The following FBXW7 variants were observed in gnomAD, a reference collection of about 807,000 sequenced individuals.
FBXW7 encodes F-box/WD repeat-containing protein 7.
A neutral mutation model predicts 86.3 loss-of-function variants in FBXW7; 11 were observed. That is an observed-to-expected ratio of 0.13 (90% CI 0.08 to 0.21). The LOEUF (loss-of-function observed/expected upper bound fraction) is 0.21, where lower values mean the gene tolerates loss of function less well. Ranked by LOEUF, FBXW7 falls within the 10% of genes least tolerant of loss-of-function variation. FBXW7 has a pLI of 1.00. For synonymous variants in FBXW7, 313 were observed against 297.9 expected (o/e 1.05, Z -0.52); for missense variants, 488 against 847.4 (o/e 0.58, Z 5.27).
intron 2 of FBXW7, among the ~76,000 whole-genome samples, chr4:152,491,997 C>T (rs1274640464): frequency 3.9e-5 from 6 of 152,272 alleles, no homozygotes; most frequent in African/African-American, 1.2e-4. Context: ...AGATATGGAA[C>T]ATTTTCATCA....
chr4:152,525,609 A>C (rs1290012014), intron 2 of FBXW7, among the ~76,000 whole-genome samples: 1 of 152,190 alleles, frequency 6.6e-6, no homozygotes, highest in Non-Finnish European at 1.5e-5. Context: ...AGCTTCATCC[A>C]TACTCCCACA....
At chr4:152,343,438 A>G (rs992305391) in intron 6 of FBXW7, among the ~76,000 whole-genome samples, 1 of 152,158 alleles carries the variant, frequency 6.6e-6, no homozygotes, top group African/African-American at 2.4e-5. Flanking sequence ...AAGCAGATGT[A>G]CATGTTTTTT....
At chr4:152,450,518 C>T (rs940283595) in intron 2 of FBXW7, among the ~76,000 whole-genome samples, 26 of 152,152 alleles carry the variant, frequency 1.7e-4, no homozygotes, top group African/African-American at 5.1e-4. Context: ...ATGCCAGCCA[C>T]GTTAGCGAAA....
Position 152,332,482 on chromosome 4 carries a change from T to C in FBXW7, c.985+114A>G, listed in dbSNP as rs1278816111. 5.5e-6 allele frequency: 6 copies of C among 1,093,614 alleles called. No individual in the cohort carries two copies. The East Asian group carries it at 1.5e-4, about 27-fold the overall frequency. The allele number at this position is 1,093,614 out of a possible 1,614,324, so 67.7% of individuals were successfully genotyped here. On this transcript the variant is annotated intron_variant, in intron 8 of 13. Transcript: ENST00000281708. ...CGGCTCATCTGAATGTGTAGAATAA[T>C]CTGTGGATTTTATCATAAGTAGCTG...
chr4:152,410,115 A>G (rs1399658617), intron 4 of FBXW7, among the ~76,000 whole-genome samples: 3 of 152,208 alleles, frequency 2.0e-5, no homozygotes, highest in African/African-American at 7.2e-5. Flanking sequence ...GAAATCAGCA[A>G]TAACTCTGCA....
intron 2 of FBXW7, among the ~76,000 whole-genome samples, chr4:152,507,078 A>G (rs1747495937): frequency 6.6e-6 from 1 of 152,206 alleles, no homozygotes; most frequent in African/African-American, 2.4e-5. Context: ...TGCAAATTTG[A>G]AGTTGTCTAT....
intron 4 of FBXW7, among the ~76,000 whole-genome samples, chr4:152,391,996 ATAAAG>A (rs1336460395): frequency 6.6e-6 from 1 of 152,194 alleles, no homozygotes; most frequent in Non-Finnish European, 1.5e-5. Context: ...GATAACTGAA[ATAAAG>A]TATTGTATAA....
At position 152,517,757 on chromosome 4, in the gene FBXW7, G is replaced by A. The variant is rs148555937; in HGVS notation, c.-120+17184C>T. Among the ~76,000 whole-genome samples the A allele has an allele frequency of 5.5e-3, 831 of 152,150 alleles. 11 individuals carry two copies. The highest frequency in any genetic ancestry group is 0.019 in the African/African-American group (784 of 41,510). On this transcript the variant is annotated intron_variant, in intron 2 of 13. Transcript: ENST00000281708. ...GTCACATAATAAACACTCAAATACC[G>A]ATATCGATATTATTTGTATAGTGGT... is the stretch of plus-strand genomic sequence containing the variant.
chr4:152,517,711 G>A (rs997052294), intron 2 of FBXW7, among the ~76,000 whole-genome samples: 1 of 152,166 alleles, frequency 6.6e-6, no homozygotes, highest in African/African-American at 2.4e-5. Context: ...TAATACACAT[G>A]AAGGACACAG....
At chr4:152,445,933 A>AAC (rs1212053787) in intron 2 of FBXW7, among the ~76,000 whole-genome samples, 4 of 118,096 alleles carry the variant, frequency 3.4e-5, no homozygotes, top group Admixed American at 8.2e-5. Context: ...AAAAAAAAAA[A>AAC]AAAAAAAAAC....
Position 152,445,945 on chromosome 4 carries a change from A to G in FBXW7, c.-119-33416T>C, listed in dbSNP as rs923343503. Among the ~76,000 whole-genome samples the G allele has an allele frequency of 1.0e-3, 146 of 145,450 alleles. 1 individual carries two copies. Among genetic ancestry groups the G allele is most frequent in the African/African-American group, 3.6e-3 (145 of 40,256 alleles). On this transcript the variant is annotated intron_variant, in intron 2 of 13. Transcript: ENST00000281708. Reference sequence around the variant, plus strand: ...AAAAAAAAAAAAAAAAAAAAAAACCAAAGTGCTTAGTACAGCACTTGGTCC... The same window carrying G: ...AAAAAAAAAAAAAAAAAAAAAAACCGAAGTGCTTAGTACAGCACTTGGTCC...
At chr4:152,492,078 G>C (rs1745908966) in intron 2 of FBXW7, among the ~76,000 whole-genome samples, 1 of 152,060 alleles carries the variant, frequency 6.6e-6, no homozygotes, top group Non-Finnish European at 1.5e-5. Flanking sequence ...GGCAACCTTT[G>C]TTCTGTTTTT....
intron 2 of FBXW7, among the ~76,000 whole-genome samples, chr4:152,445,948 G>GC (rs1741354310): frequency 8.7e-6 from 1 of 115,334 alleles, no homozygotes; most frequent in Non-Finnish European, 2.0e-5. Context: ...AAAAACCAAA[G>GC]TGCTTAGTAC....
At chr4:152,456,466 T>C (rs1364952695) in intron 2 of FBXW7, among the ~76,000 whole-genome samples, 4 of 150,386 alleles carry the variant, frequency 2.7e-5, no homozygotes, top group Non-Finnish European at 4.4e-5. Flanking sequence ...AACTCAGGAG[T>C]TCAAGGCTGC....
intron 2 of FBXW7, among the ~76,000 whole-genome samples, chr4:152,505,591 T>A (rs1747343536): frequency 6.6e-6 from 1 of 152,134 alleles, no homozygotes; most frequent in Non-Finnish European, 1.5e-5. Context: ...TACACAGGAT[T>A]AGGATCATCA....
At position 152,328,509 on chromosome 4, in the gene FBXW7, A is replaced by G. The variant is rs1729262815; in HGVS notation, c.1237-120T>C. The G allele has an allele frequency of 1.8e-5, 11 of 596,758 alleles. No individual in the cohort carries two copies. In the South Asian group the frequency reaches 3.0e-4, roughly 16 times the overall value. 37.0% of individuals were successfully genotyped at this position (596,758 alleles called of 1,614,324 possible). ...TATTTAATTTGTTTGGCTCTTCAGA[A>G]AATATTACATCCGTATAAAATGATC... On this transcript the variant is annotated intron_variant, in intron 10 of 13. Coordinates refer to ENST00000281708, the MANE Select transcript of FBXW7 (RefSeq NM_001349798.2).
chr4:152,329,593 G>C, intron 10 of FBXW7, 79 bp downstream of exon 10: 1 of 637,466 alleles, frequency 1.6e-6, no homozygotes, highest in South Asian at 2.8e-5. Flanking sequence ...ATGAATTATT[G>C]TTTTCTTTTT....
At chr4:152,488,272 G>A (rs1409670619) in intron 2 of FBXW7, among the ~76,000 whole-genome samples, 1 of 152,028 alleles carries the variant, frequency 6.6e-6, no homozygotes, top group Non-Finnish European at 1.5e-5. Flanking sequence ...TGATTTAGCA[G>A]TAATTTAGTT....
intron 2 of FBXW7, among the ~76,000 whole-genome samples, chr4:152,459,044 GT>G (rs1014169432): frequency 1.3e-5 from 2 of 152,112 alleles, no homozygotes; most frequent in Non-Finnish European, 2.9e-5. Flanking sequence ...CTTCCTCTCT[GT>G]ATATTCACTC....
Sources: allele counts gnomAD v4.1 joint callset (sites outside exome capture counted in the v4.1 genomes callset), GRCh38; gene constraint gnomAD v4.1.1; transcripts MANE v1.5; gene names NCBI Gene and HGNC (gene_info 2026-07-23, HGNC 2026-07-21).